The following IMMP2L variants were observed in gnomAD, a reference collection of about 807,000 sequenced individuals.
IMMP2L encodes the protein inner mitochondrial membrane peptidase subunit 2, also known as mitochondrial inner membrane protease subunit 2.
A neutral mutation model predicts 19.3 loss-of-function variants in IMMP2L; 18 were observed. That is an observed-to-expected ratio of 0.93 (90% CI 0.64 to 1.38). The LOEUF (loss-of-function observed/expected upper bound fraction) is 1.38, where lower values mean the gene tolerates loss of function less well. IMMP2L is among the 40% of genes most tolerant of loss of function. The probability of loss-of-function intolerance (pLI) is 0.00; values close to 1 mark genes in which losing one functional copy is unlikely to be tolerated. For missense variants in IMMP2L, 233 were observed against 218.2 expected, an observed-to-expected ratio of 1.07 and a Z score of -0.43; for synonymous variants, 76 against 73.0, an observed-to-expected ratio of 1.04 and a Z score of -0.21.
intron 3 of IMMP2L, among the ~76,000 whole-genome samples, chr7:111,140,189 CA>C (rs753444296): frequency 6.6e-6 from 1 of 152,056 alleles, no homozygotes; most frequent in African/African-American, 2.4e-5. Context: ...GACCAAGACT[CA>C]GGGGGGATTT....
chr7:111,135,972 C>T (rs1343750703), intron 3 of IMMP2L, among the ~76,000 whole-genome samples: 1 of 152,122 alleles, frequency 6.6e-6, no homozygotes, highest in African/African-American at 2.4e-5. Context: ...AATGATGTGA[C>T]TGACAGACAT....
intron 3 of IMMP2L, among the ~76,000 whole-genome samples, chr7:111,460,579 G>T (rs982256174): frequency 2.0e-5 from 3 of 151,640 alleles, no homozygotes; most frequent in African/African-American, 7.3e-5. Context: ...AGTTAACTAG[G>T]AGAAGATAGG....
At chr7:111,161,234 A>G (rs1805227760) in intron 3 of IMMP2L, among the ~76,000 whole-genome samples, 1 of 151,852 alleles carries the variant, frequency 6.6e-6, no homozygotes, top group South Asian at 2.1e-4. Flanking sequence ...TTTATTTCCC[A>G]ACTCTATGAA....
Position 111,487,250 on chromosome 7 carries a change from A to G in IMMP2L, c.227T>C (p.Ile76Thr). Residue 76 changes from isoleucine (I) to threonine (T), a missense_variant, in exon 3 of 6, where the codon ATT becomes ACT. Physicochemically the swap from Ile to Thr is moderately conservative, Grantham distance 89 (BLOSUM62 -1). Coordinates refer to ENST00000405709, the MANE Select transcript of IMMP2L (RefSeq NM_032549.4). ...CTGAGTTACTTACACCAATGATACA[A>G]TGTCACCACGGTGTACTTCAAAATT... ...VRNFEVHRGD[I>T]VSLVSPKNPE... The G allele has an allele frequency of 2.0e-6, 3 of 1,537,702 alleles. No individual in the cohort carries two copies. The highest frequency in any genetic ancestry group is 2.7e-6 in the Non-Finnish European group (3 of 1,110,882).
At chr7:111,418,474 C>A (rs1224203070) in intron 3 of IMMP2L, among the ~76,000 whole-genome samples, 2 of 151,756 alleles carry the variant, frequency 1.3e-5, no homozygotes, top group East Asian at 3.9e-4. Context: ...TGAAATACGT[C>A]CCTTCTGCTC....
chr7:110,957,082 C>A (rs9656179), intron 4 of IMMP2L, among the ~76,000 whole-genome samples: 24,488 of 151,746 alleles, frequency 0.16, 4,163 homozygotes, highest in African/African-American at 0.43. Flanking sequence ...CATTTGGGTC[C>A]ACATTATGAA....
chr7:110,672,344 C>T (rs1354574367), intron 5 of IMMP2L, among the ~76,000 whole-genome samples: 3 of 152,108 alleles, frequency 2.0e-5, no homozygotes, highest in Admixed American at 6.5e-5. Context: ...CCTACTAGGT[C>T]CCTCCCATGA....
intron 3 of IMMP2L, among the ~76,000 whole-genome samples, chr7:111,463,196 TG>T (rs1840298951): frequency 6.6e-6 from 1 of 152,040 alleles, no homozygotes; most frequent in Non-Finnish European, 1.5e-5. Context: ...TGTGTGTGTG[TG>T]TCCCAATTTC....
At chr7:111,362,058 T>A (rs1829308623) in intron 3 of IMMP2L, among the ~76,000 whole-genome samples, 1 of 152,104 alleles carries the variant, frequency 6.6e-6, no homozygotes. Flanking sequence ...GCCATTTTTA[T>A]ATAAAACTGT....
chr7:111,165,136 C>G (rs549750680), intron 3 of IMMP2L, among the ~76,000 whole-genome samples: 2 of 152,118 alleles, frequency 1.3e-5, no homozygotes, highest in Admixed American at 1.3e-4. Flanking sequence ...AAGGTTTTGA[C>G]TATTCTAGGT....
At chr7:111,014,789 T>C (rs942350920) in intron 3 of IMMP2L, among the ~76,000 whole-genome samples, 1 of 152,156 alleles carries the variant, frequency 6.6e-6, no homozygotes. Context: ...TCTGCAAATA[T>C]GACATACAAA....
chr7:111,208,491 A>T (rs1039064459), intron 3 of IMMP2L, among the ~76,000 whole-genome samples: 4 of 152,202 alleles, frequency 2.6e-5, no homozygotes, highest in Non-Finnish European at 5.9e-5. Flanking sequence ...CAGAGAACTG[A>T]CATTTTTACT....
At chr7:111,556,955 C>T (rs1329867192) in intron 1 of IMMP2L, among the ~76,000 whole-genome samples, 1 of 152,082 alleles carries the variant, frequency 6.6e-6, no homozygotes, top group Non-Finnish European at 1.5e-5. Flanking sequence ...CAAAGTTGAA[C>T]TCATTCTCTT....
At chr7:111,200,083 G>T (rs1809939088) in intron 3 of IMMP2L, among the ~76,000 whole-genome samples, 1 of 151,988 alleles carries the variant, frequency 6.6e-6, no homozygotes, top group African/African-American at 2.4e-5. Context: ...TTTAATAAAG[G>T]TATAGAGTTA....
chr7:110,963,680 C>G, intron 3 of IMMP2L, 115 bp from the exon 4 acceptor site: 2 of 498,746 alleles, frequency 4.0e-6, no homozygotes, highest in Non-Finnish European at 6.9e-6. Flanking sequence ...TTCCTTTGCA[C>G]CCCATGACAT....
At chr7:110,801,349 C>T (rs1801229068) in intron 5 of IMMP2L, among the ~76,000 whole-genome samples, 1 of 151,914 alleles carries the variant, frequency 6.6e-6, no homozygotes, top group Admixed American at 6.6e-5. Flanking sequence ...TTTGAACTTC[C>T]CATAATAAAA....
At chr7:110,880,485 A>G (rs570602343) in intron 5 of IMMP2L, among the ~76,000 whole-genome samples, 16 of 152,262 alleles carry the variant, frequency 1.1e-4, no homozygotes, top group Admixed American at 3.3e-4. Context: ...TGGAGAGTAA[A>G]TAATTACCCA....
chr7:111,130,018 T>C (rs1801699700), intron 3 of IMMP2L, among the ~76,000 whole-genome samples: 1 of 152,138 alleles, frequency 6.6e-6, no homozygotes, highest in Non-Finnish European at 1.5e-5. Context: ...TTTAGTATTC[T>C]CAAGTGAGAA....
chr7:111,438,990 A>C (rs2131764565), intron 3 of IMMP2L, among the ~76,000 whole-genome samples: 1 of 151,976 alleles, frequency 6.6e-6, no homozygotes, highest in Admixed American at 6.5e-5. Flanking sequence ...CTTTGCATGC[A>C]AATGACAACA....
Sources: allele counts gnomAD v4.1 joint callset (sites outside exome capture counted in the v4.1 genomes callset), GRCh38; gene constraint gnomAD v4.1.1; transcripts MANE v1.5; gene names NCBI Gene and HGNC (gene_info 2026-07-23, HGNC 2026-07-21).